Variants in HCN1 observed in about 807,000 individuals in gnomAD.
HCN1 encodes hyperpolarization activated cyclic nucleotide gated potassium channel 1, also known as potassium/sodium hyperpolarization-activated cyclic nucleotide-gated channel 1.
A neutral mutation model predicts 78.9 loss-of-function variants in HCN1; 13 were observed. The ratio of observed to expected loss-of-function variants is 0.16; its 90% confidence interval spans 0.11 to 0.26. The LOEUF (loss-of-function observed/expected upper bound fraction) is 0.26, where lower values mean the gene tolerates loss of function less well. HCN1 is among the 10% of genes least tolerant of loss of function. The probability of loss-of-function intolerance (pLI) is 1.00; values close to 1 mark genes in which losing one functional copy is unlikely to be tolerated. For missense variants in HCN1, 810 were observed against 1,154.3 expected, an observed-to-expected ratio of 0.70 and a Z score of 4.32; for synonymous variants, 552 against 455.5, an observed-to-expected ratio of 1.21 and a Z score of -2.70.
intron 1 of HCN1, among the ~76,000 whole-genome samples, chr5:45,683,834 C>T (rs367824944): frequency 2.6e-5 from 4 of 152,098 alleles, no homozygotes; most frequent in East Asian, 3.9e-4. Context: ...CCATGCCTGC[C>T]TAATTTTTGT....
intron 2 of HCN1, among the ~76,000 whole-genome samples, chr5:45,586,445 G>A (rs2111934643): frequency 6.6e-6 from 1 of 152,124 alleles, no homozygotes; most frequent in East Asian, 1.9e-4. Flanking sequence ...GACTAGGAAA[G>A]GGAATTCCCT....
intron 5 of HCN1, among the ~76,000 whole-genome samples, chr5:45,305,026 T>C (rs1316126743): frequency 2.0e-5 from 3 of 152,160 alleles, no homozygotes; most frequent in African/African-American, 7.2e-5. Context: ...TCTCAGAAAT[T>C]TCCTTACCAA....
chr5:45,311,410 T>A (rs903991611), intron 5 of HCN1, among the ~76,000 whole-genome samples: 4 of 152,308 alleles, frequency 2.6e-5, no homozygotes, highest in African/African-American at 7.2e-5. Context: ...AATTTCTTCT[T>A]ACTTTTGCAA....
chr5:45,446,705 A>G (rs1740805436), intron 3 of HCN1, among the ~76,000 whole-genome samples: 1 of 152,244 alleles, frequency 6.6e-6, no homozygotes, highest in Non-Finnish European at 1.5e-5. Context: ...GAAACTCTAC[A>G]AGTCAGAAGA....
At chr5:45,358,439 T>TACCTACCAAAAGTTTC (rs1395295391) in intron 4 of HCN1, among the ~76,000 whole-genome samples, 2 of 152,096 alleles carry the variant, frequency 1.3e-5, no homozygotes, top group African/African-American at 4.8e-5. Flanking sequence ...ATGTAAGTTT[T>TACCTACCAAAAGTTTC]ACCTACCAAA....
chr5:45,601,189 G>T (rs1487593745), intron 2 of HCN1, among the ~76,000 whole-genome samples: 2 of 152,116 alleles, frequency 1.3e-5, no homozygotes, highest in Admixed American at 1.3e-4. Flanking sequence ...GGATTTTGTT[G>T]TGTGTCTATG....
chr5:45,579,058 T>C (rs1439717827), intron 2 of HCN1, among the ~76,000 whole-genome samples: 1 of 152,006 alleles, frequency 6.6e-6, no homozygotes, highest in Non-Finnish European at 1.5e-5. Context: ...TAAACCAAAC[T>C]TTATTATTTG....
chr5:45,598,754 G>T (rs1472038601), intron 2 of HCN1, among the ~76,000 whole-genome samples: 2 of 152,166 alleles, frequency 1.3e-5, no homozygotes, highest in Non-Finnish European at 2.9e-5. Context: ...GTGGGCAAAA[G>T]ATATGAACAG....
intron 3 of HCN1, among the ~76,000 whole-genome samples, chr5:45,440,484 A>T (rs549021421): frequency 2.6e-5 from 4 of 152,222 alleles, no homozygotes; most frequent in Admixed American, 6.5e-5. Flanking sequence ...ACCCACTAAT[A>T]CTCAGAAATA....
intron 2 of HCN1, among the ~76,000 whole-genome samples, chr5:45,560,272 T>C (rs574997292): frequency 6.6e-6 from 1 of 152,262 alleles, no homozygotes; most frequent in African/African-American, 2.4e-5. Context: ...TATTTGATAA[T>C]ATGTTAATTC....
intron 2 of HCN1, chr5:45,559,866 C>T (rs1351997750): frequency 6.6e-6 from 1 of 152,076 alleles, no homozygotes; most frequent in Non-Finnish European, 1.5e-5. Context: ...ATGTGGGAAA[C>T]CTCATTGTTG....
chr5:45,580,632 C>T (rs1744045447), intron 2 of HCN1, among the ~76,000 whole-genome samples: 1 of 152,050 alleles, frequency 6.6e-6, no homozygotes, highest in Admixed American at 6.6e-5. Context: ...AGGTGTGCTG[C>T]ACCCATTAAC....
intron 4 of HCN1, among the ~76,000 whole-genome samples, chr5:45,361,224 G>C (rs1561123690): frequency 6.6e-6 from 1 of 151,836 alleles, no homozygotes; most frequent in Admixed American, 6.6e-5. Flanking sequence ...TTTCAGTAGA[G>C]ATGGGATTTC....
intron 5 of HCN1, among the ~76,000 whole-genome samples, chr5:45,338,377 G>C (rs186877824): frequency 1.2e-4 from 19 of 152,170 alleles, no homozygotes; most frequent in African/African-American, 4.3e-4. Context: ...ATTTAATGAA[G>C]TATTTTAGGT....
Position 45,435,329 on chromosome 5 carries a change from T to G in HCN1, c.1011+26517A>C, listed in dbSNP as rs548315243. ...TGCAGAACAGAATTAGTAAATAAAATGCATATTTCACTTTAAAATTTTTAA... is the reference window on the plus strand; with the variant it reads ...TGCAGAACAGAATTAGTAAATAAAAGGCATATTTCACTTTAAAATTTTTAA... On this transcript the variant is annotated intron_variant, in intron 3 of 7. Coordinates refer to ENST00000303230, the MANE Select transcript of HCN1 (RefSeq NM_021072.4). Among the ~76,000 whole-genome samples the G allele has an allele frequency of 1.7e-4, 26 of 152,264 alleles. No individual in the cohort carries two copies. In the South Asian group the frequency reaches 5.4e-3, roughly 31 times the overall value.
At chr5:45,563,957 T>C (rs576181571) in intron 2 of HCN1, among the ~76,000 whole-genome samples, 2 of 152,280 alleles carry the variant, frequency 1.3e-5, no homozygotes, top group East Asian at 1.9e-4. Context: ...ACTATGCCCA[T>C]AGGTTAGAGC....
intron 3 of HCN1, among the ~76,000 whole-genome samples, chr5:45,456,276 A>G (rs1004300809): frequency 1.3e-5 from 2 of 152,070 alleles, no homozygotes; most frequent in African/African-American, 4.8e-5. Flanking sequence ...TGCACAAATC[A>G]TTAAAACAAA....
At chr5:45,443,875 C>T (rs1044716862) in intron 3 of HCN1, among the ~76,000 whole-genome samples, 14 of 151,910 alleles carry the variant, frequency 9.2e-5, no homozygotes, top group Non-Finnish European at 1.8e-4. Flanking sequence ...TAAAACAAAA[C>T]GTCTATGGTT....
chr5:45,623,362 G>A lies in HCN1; in HGVS notation c.849+21823C>T, dbSNP rs1359500949. ...AATCAGTTCCATTATTTTTAGACAA[G>A]TTCACTTTGTCTCTTCATGTCTTAG... On this transcript the variant is annotated intron_variant, in intron 2 of 7. Coordinates refer to ENST00000303230, the MANE Select transcript of HCN1 (RefSeq NM_021072.4). 2.6e-5 allele frequency among the ~76,000 whole-genome samples: 4 copies of A among 152,170 alleles called. No homozygotes were observed. The South Asian group carries it at 8.3e-4, about 32-fold the overall frequency.
Sources: gnomAD v4.1 joint callset for allele counts (sites outside exome capture counted in the v4.1 genomes callset) on GRCh38, gnomAD v4.1.1 for gene constraint, MANE v1.5 for transcripts, NCBI Gene and HGNC (gene_info 2026-07-23, HGNC 2026-07-21) for gene names.